TTC28: variants seen among roughly 807,000 people sequenced by gnomAD.
The protein encoded by TTC28 is tetratricopeptide repeat protein 28.
A neutral mutation model predicts 198.0 loss-of-function variants in TTC28; 61 were observed. The ratio of observed to expected loss-of-function variants is 0.31; its 90% CI spans 0.25 to 0.38. The LOEUF (loss-of-function observed/expected upper bound fraction) is 0.38, where lower values mean the gene tolerates loss of function less well. Ranked by LOEUF, TTC28 falls within the 10% of genes least tolerant of loss-of-function variation. The probability of loss-of-function intolerance (pLI) is 1.00; values close to 1 mark genes in which losing one functional copy is unlikely to be tolerated. For missense variants in TTC28, 2,678 were observed against 3,164.0 expected (o/e 0.85, Z 3.69); for synonymous variants, 1,171 against 1,297.8 (o/e 0.90, Z 2.10).
At chr22:28,467,766 AT>A (rs1015118689) in intron 2 of TTC28, among the ~76,000 whole-genome samples, 4 of 151,324 alleles carry the variant, frequency 2.6e-5, no homozygotes, top group Admixed American at 6.6e-5. Flanking sequence ...CTGAGAAGAG[AT>A]TTTTTTTTCC....
intron 2 of TTC28, among the ~76,000 whole-genome samples, chr22:28,419,597 A>G (rs2047217742): frequency 6.6e-6 from 1 of 152,234 alleles, no homozygotes; most frequent in East Asian, 1.9e-4. Flanking sequence ...TGCTGAAAGC[A>G]TATGATGCTA....
intron 2 of TTC28, among the ~76,000 whole-genome samples, chr22:28,391,718 T>C (rs1355189111): frequency 6.6e-6 from 1 of 152,206 alleles, no homozygotes; most frequent in Non-Finnish European, 1.5e-5. Flanking sequence ...CTTCTCTGTA[T>C]TGGTTATTCT....
intron 6 of TTC28, among the ~76,000 whole-genome samples, chr22:28,148,828 T>A (rs1025063032): frequency 6.6e-6 from 1 of 152,080 alleles, no homozygotes; most frequent in East Asian, 1.9e-4. Context: ...AGGAATGATA[T>A]CTAGACTTAA....
At position 27,998,747 on chromosome 22, in the gene TTC28, C is replaced by G; in HGVS notation, c.4912G>C (p.Val1638Leu). Reference sequence around the variant, plus strand: ...AGGAAGGCCCTTGTCAGCGCGATGACCCCGTCGGCTGTGACTTTGCTGTTG... The same window carrying G: ...AGGAAGGCCCTTGTCAGCGCGATGAGCCCGTCGGCTGTGACTTTGCTGTTG... Reference protein sequence around the residue: ...ESNSKVTADGVIALTRAFLAA... With the variant: ...ESNSKVTADGLIALTRAFLAA... The change falls in exon 16 of 23, where the codon GTC (valine) becomes CTC (leucine). Residue 1638 changes from valine (V) to leucine (L), a missense_variant. Physicochemically the swap from Val to Leu is conservative, Grantham distance 32. Around this residue, in one of 8 missense-constraint regions of TTC28, gnomAD observed 314 missense variants for 442.7 expected, o/e 0.71. Coordinates refer to ENST00000397906, the MANE Select transcript of TTC28 (RefSeq NM_001145418.2). The G allele has an allele frequency of 1.3e-6, 2 of 1,550,754 alleles. No individual in the cohort carries two copies. Among genetic ancestry groups the G allele is most frequent in the Non-Finnish European group, 1.7e-6 (2 of 1,147,004 alleles).
At chr22:28,175,360 C>T (rs993000452) in intron 5 of TTC28, among the ~76,000 whole-genome samples, 5 of 152,182 alleles carry the variant, frequency 3.3e-5, no homozygotes, top group Non-Finnish European at 7.3e-5. Context: ...GCAAACTATA[C>T]ACCTGATAAG....
intron 2 of TTC28, among the ~76,000 whole-genome samples, chr22:28,490,153 G>A (rs2048356605): frequency 6.6e-6 from 1 of 152,084 alleles, no homozygotes; most frequent in Non-Finnish European, 1.5e-5. Flanking sequence ...CCAGCCCACT[G>A]ACTCAAATGT....
intron 5 of TTC28, among the ~76,000 whole-genome samples, chr22:28,285,614 A>G (rs34453094): frequency 0.051 from 7,798 of 152,298 alleles, 266 homozygotes; most frequent in African/African-American, 0.093. Flanking sequence ...TTAATTGTTA[A>G]TCAATTTGAT....
chr22:28,503,776 A>T (rs1433115669), intron 2 of TTC28, among the ~76,000 whole-genome samples: 1 of 152,252 alleles, frequency 6.6e-6, no homozygotes, highest in Non-Finnish European at 1.5e-5. Flanking sequence ...ATTAATAAGT[A>T]GTCATTAGCT....
At chr22:28,416,545 CTTG>C (rs531387414) in intron 2 of TTC28, among the ~76,000 whole-genome samples, 3 of 152,046 alleles carry the variant, frequency 2.0e-5, no homozygotes, top group Admixed American at 1.3e-4. Flanking sequence ...TAAAATGGAA[CTTG>C]TTGTTGTTGT....
intron 2 of TTC28, among the ~76,000 whole-genome samples, chr22:28,457,211 G>A (rs1480483034): frequency 6.6e-6 from 1 of 152,132 alleles, no homozygotes; most frequent in Non-Finnish European, 1.5e-5. Flanking sequence ...ATTAGGCCGA[G>A]TAAGATGAAA....
intron 2 of TTC28, among the ~76,000 whole-genome samples, chr22:28,402,547 T>C (rs1346856679): frequency 6.6e-6 from 1 of 152,212 alleles, no homozygotes; most frequent in East Asian, 1.9e-4. Context: ...TTTTAGGCCC[T>C]ACTTTTTTTT....
intron 6 of TTC28, among the ~76,000 whole-genome samples, chr22:28,121,052 A>C (rs1942772970): frequency 6.6e-6 from 1 of 152,216 alleles, no homozygotes; most frequent in South Asian, 2.1e-4. Flanking sequence ...TACTGCTTTC[A>C]GTTTTTCTTC....
intron 3 of TTC28, among the ~76,000 whole-genome samples, chr22:28,298,729 G>C (rs1601596851): frequency 6.6e-6 from 1 of 152,192 alleles, no homozygotes; most frequent in East Asian, 1.9e-4. Flanking sequence ...GAGATTACCA[G>C]TGTGAGTTAC....
intron 2 of TTC28, among the ~76,000 whole-genome samples, chr22:28,601,597 T>C (rs2050639418): frequency 6.6e-6 from 1 of 152,144 alleles, no homozygotes. Context: ...CCTTATTTTA[T>C]ATAAGGAACT....
chr22:28,240,538 A>G (rs890700678), intron 5 of TTC28, among the ~76,000 whole-genome samples: 4 of 152,178 alleles, frequency 2.6e-5, no homozygotes, highest in Non-Finnish European at 4.4e-5. Flanking sequence ...TATACACACA[A>G]ATACATGTAT....
At chr22:28,331,864 A>G (rs2045621878) in intron 2 of TTC28, among the ~76,000 whole-genome samples, 1 of 152,116 alleles carries the variant, frequency 6.6e-6, no homozygotes, top group Admixed American at 6.6e-5. Flanking sequence ...AGCTTGAAAA[A>G]GATGCACTAC....
intron 2 of TTC28, among the ~76,000 whole-genome samples, chr22:28,424,089 T>C (rs930600218): frequency 1.3e-5 from 2 of 150,818 alleles, no homozygotes; most frequent in African/African-American, 4.8e-5. Context: ...TACAGGAAAT[T>C]AGGCTCTTTG....
chr22:28,335,438 C>A (rs1275032041), intron 2 of TTC28, among the ~76,000 whole-genome samples: 1 of 152,142 alleles, frequency 6.6e-6, no homozygotes, highest in Non-Finnish European at 1.5e-5. Context: ...CTATAAATTA[C>A]CTTGGGCTGT....
intron 5 of TTC28, among the ~76,000 whole-genome samples, chr22:28,200,538 G>A (rs1032379376): frequency 2.6e-5 from 4 of 152,042 alleles, no homozygotes; most frequent in Admixed American, 2.6e-4. Context: ...CCCTCCATAA[G>A]ACAGCTGGAA....
Sources: allele counts gnomAD v4.1 joint callset (sites outside exome capture counted in the v4.1 genomes callset), GRCh38; gene constraint gnomAD v4.1.1; regional missense constraint gnomAD v4.1.1; transcripts MANE v1.5; gene names NCBI Gene and HGNC (gene_info 2026-07-23, HGNC 2026-07-21).